Variants in FILIP1 observed in about 807,000 individuals in gnomAD.
FILIP1 encodes the protein filamin A interacting protein 1, also known as filamin-A-interacting protein 1.
Under a neutral mutation model 102.1 loss-of-function variants are expected in FILIP1, and 61 were observed. That is an observed-to-expected ratio of 0.60 (90% CI 0.49 to 0.74). The LOEUF is 0.74. Among genes scored for constraint, FILIP1 ranks in the 30% least tolerant of loss-of-function variants. The probability of loss-of-function intolerance (pLI) is 0.00; values close to 1 mark genes in which losing one functional copy is unlikely to be tolerated. For synonymous variants in FILIP1, 491 were observed against 526.9 expected (o/e 0.93, Z 0.93); for missense variants, 1,314 against 1,441.2 (o/e 0.91, Z 1.43).
At chr6:75,470,426 A>C (rs1779297367) in intron 1 of FILIP1, among the ~76,000 whole-genome samples, 1 of 152,134 alleles carries the variant, frequency 6.6e-6, no homozygotes, top group Non-Finnish European at 1.5e-5. Context: ...CTAGATCCAC[A>C]GGTTTTATTT....
chr6:75,296,341 T>TGTG (rs1772669108), intron 6 of FILIP1, among the ~76,000 whole-genome samples: 3 of 141,484 alleles, frequency 2.1e-5, no homozygotes, highest in Non-Finnish European at 3.1e-5. Flanking sequence ...TTCAATTTCT[T>TGTG]TGTGTGTGTG....
chr6:75,330,135 T>C (rs1028423037), intron 4 of FILIP1, among the ~76,000 whole-genome samples: 1 of 152,200 alleles, frequency 6.6e-6, no homozygotes, highest in African/African-American at 2.4e-5. Flanking sequence ...ATTTTTTGCA[T>C]TAATTTTGAT....
At chr6:75,460,911 C>T (rs753603025) in intron 1 of FILIP1, among the ~76,000 whole-genome samples, 1 of 152,126 alleles carries the variant, frequency 6.6e-6, no homozygotes, top group Non-Finnish European at 1.5e-5. Flanking sequence ...AAAAATAGAA[C>T]TGGCCCAAAC....
chr6:75,417,158 T>C (rs1265307826), intron 1 of FILIP1, among the ~76,000 whole-genome samples: 1 of 152,174 alleles, frequency 6.6e-6, no homozygotes, highest in Non-Finnish European at 1.5e-5. Context: ...TCACTTTGGC[T>C]GATGGAAAAT....
chr6:75,492,451 A>G (rs1162836626), intron 1 of FILIP1, among the ~76,000 whole-genome samples: 1 of 152,156 alleles, frequency 6.6e-6, no homozygotes, highest in Non-Finnish European at 1.5e-5. Flanking sequence ...ATTCATTTAG[A>G]GGTAAAATAT....
At chr6:75,382,167 T>C (rs185384691) in intron 2 of FILIP1, among the ~76,000 whole-genome samples, 154 of 152,326 alleles carry the variant, frequency 1.0e-3, no homozygotes, top group African/African-American at 3.5e-3. Flanking sequence ...CATTGTTATC[T>C]TTTTTCAATA....
chr6:75,341,397 A>G (rs914128916), intron 4 of FILIP1, among the ~76,000 whole-genome samples: 2 of 151,772 alleles, frequency 1.3e-5, no homozygotes, highest in African/African-American at 4.8e-5. Context: ...GGATCAAGTG[A>G]TCTGCCTGCC....
chr6:75,405,844 G>C (rs1776828498), intron 2 of FILIP1, among the ~76,000 whole-genome samples: 1 of 152,182 alleles, frequency 6.6e-6, no homozygotes, highest in African/African-American at 2.4e-5. Context: ...GTAGGTAATC[G>C]GAATGAGACA....
At chr6:75,394,627 A>C (rs531807322) in intron 2 of FILIP1, among the ~76,000 whole-genome samples, 2 of 152,204 alleles carry the variant, frequency 1.3e-5, no homozygotes, top group Non-Finnish European at 2.9e-5. Flanking sequence ...CAAAGATAAG[A>C]ACAGACTAAT....
intron 1 of FILIP1, among the ~76,000 whole-genome samples, chr6:75,465,781 CA>C (rs1779144470): frequency 1.3e-5 from 2 of 152,098 alleles, no homozygotes; most frequent in African/African-American, 4.8e-5. Flanking sequence ...AAAATAAAAC[CA>C]AAAAACCCAA....
chr6:75,478,001 C>T (rs1385674810), intron 1 of FILIP1, among the ~76,000 whole-genome samples: 2 of 152,224 alleles, frequency 1.3e-5, no homozygotes, highest in African/African-American at 4.8e-5. Flanking sequence ...TTTACACTTA[C>T]ATTGTAATTA....
At chr6:75,309,793 A>G (rs1773116811) in intron 5 of FILIP1, among the ~76,000 whole-genome samples, 1 of 152,184 alleles carries the variant, frequency 6.6e-6, no homozygotes, top group African/African-American at 2.4e-5. Flanking sequence ...TCAATTTGTC[A>G]TGAAATCGTT....
chr6:75,417,064 T>A (rs1464889780), intron 1 of FILIP1, among the ~76,000 whole-genome samples: 2 of 152,126 alleles, frequency 1.3e-5, no homozygotes, highest in Admixed American at 1.3e-4. Flanking sequence ...ACACAAAAAA[T>A]TCCACCCATT....
chr6:75,485,998 TACACAC>T (rs71002741), intron 1 of FILIP1, among the ~76,000 whole-genome samples: 11 of 100,548 alleles, frequency 1.1e-4, no homozygotes, highest in Admixed American at 6.7e-4. Flanking sequence ...CACACACACA[TACACAC>T]ACACACACAC....
intron 2 of FILIP1, among the ~76,000 whole-genome samples, chr6:75,408,461 G>A (rs1052663561): frequency 2.2e-4 from 33 of 152,310 alleles, no homozygotes; most frequent in East Asian, 1.4e-3. Flanking sequence ...AACAGCAAAT[G>A]TGCATATTTT....
intron 1 of FILIP1, among the ~76,000 whole-genome samples, chr6:75,436,326 C>T (rs1326287275): frequency 5.3e-5 from 8 of 150,964 alleles, no homozygotes; most frequent in Admixed American, 2.0e-4. Flanking sequence ...GCCAAGATTG[C>T]GCCACTCCAG....
chr6:75,410,284 C>T (rs887424719), intron 2 of FILIP1, among the ~76,000 whole-genome samples: 1 of 152,134 alleles, frequency 6.6e-6, no homozygotes, highest in Admixed American at 6.5e-5. Context: ...AGTAACTTAT[C>T]TCATAAGGCA....
intron 3 of FILIP1, among the ~76,000 whole-genome samples, chr6:75,355,376 T>C (rs1774955341): frequency 6.6e-6 from 1 of 151,282 alleles, no homozygotes; most frequent in African/African-American, 2.4e-5. Flanking sequence ...CCTCTTTCTC[T>C]GATCAGGTTA....
At chr6:75,374,338 C>A (rs1464465146) in intron 2 of FILIP1, among the ~76,000 whole-genome samples, 1 of 152,156 alleles carries the variant, frequency 6.6e-6, no homozygotes, top group Admixed American at 6.6e-5. Flanking sequence ...GCATAATCAG[C>A]AGATAGGGTC....
Sources: gnomAD v4.1 joint callset for allele counts (sites outside exome capture counted in the v4.1 genomes callset) on GRCh38, gnomAD v4.1.1 for gene constraint, MANE v1.5 for transcripts, NCBI Gene and HGNC (gene_info 2026-07-23, HGNC 2026-07-21) for gene names.